Variants in MYO1D observed in about 807,000 individuals in gnomAD.
MYO1D encodes unconventional myosin-Id.
A neutral mutation model predicts 122.0 loss-of-function variants in MYO1D; 83 were observed. The observed-to-expected ratio is 0.68, with a 90% CI of 0.57 to 0.82. The LOEUF (loss-of-function observed/expected upper bound fraction) is 0.82, where lower values mean the gene tolerates loss of function less well. MYO1D is among the 40% of genes least tolerant of loss of function. The pLI is 0.00. For missense variants in MYO1D, 1,157 were observed against 1,269.5 expected (o/e 0.91, Z 1.35); for synonymous variants, 464 against 446.9 (o/e 1.04, Z -0.48).
chr17:32,827,500 G>A (rs750180254), intron 1 of MYO1D, among the ~76,000 whole-genome samples: 3 of 152,122 alleles, frequency 2.0e-5, no homozygotes, highest in Non-Finnish European at 4.4e-5. Flanking sequence ...ACAACAATGT[G>A]AATGTACTTA....
chr17:32,693,543 C>T lies in MYO1D; in HGVS notation c.2121+18445G>A, dbSNP rs141385967. ...ATAGGAAATGTTTTCCTTGCAAAGG[C>T]GAACAGATTTCTTTTAAGTAAACCT... On this transcript the variant is annotated intron_variant, in intron 16 of 21. Coordinates refer to ENST00000318217, the MANE Select transcript of MYO1D (RefSeq NM_015194.3). Among the ~76,000 whole-genome samples the T allele has an allele frequency of 2.6e-3, 393 of 152,270 alleles. 2 individuals carry two copies. Among genetic ancestry groups the T allele is most frequent in the African/African-American group, 9.1e-3 (380 of 41,546 alleles).
intron 1 of MYO1D, among the ~76,000 whole-genome samples, chr17:32,820,766 C>T (rs560376273): frequency 3.3e-5 from 5 of 152,246 alleles, no homozygotes; most frequent in African/African-American, 9.6e-5. Context: ...GTGATGACTA[C>T]GTTAATTAGC....
chr17:32,802,176 G>C (rs190360596), intron 1 of MYO1D, among the ~76,000 whole-genome samples: 1 of 152,242 alleles, frequency 6.6e-6, no homozygotes, highest in East Asian at 1.9e-4. Flanking sequence ...GTGCTCTTCT[G>C]ACAGTATGAT....
At chr17:32,500,441 T>A (rs1909279493) in intron 21 of MYO1D, among the ~76,000 whole-genome samples, 1 of 152,102 alleles carries the variant, frequency 6.6e-6, no homozygotes, top group Non-Finnish European at 1.5e-5. Context: ...AGAGAGATAC[T>A]CTGTTTTGCC....
chr17:32,678,135 G>C (rs1171724914), intron 16 of MYO1D, among the ~76,000 whole-genome samples: 8 of 152,048 alleles, frequency 5.3e-5, no homozygotes, highest in Admixed American at 5.2e-4. Context: ...TGTATTTCCT[G>C]GCTTGAATTC....
chr17:32,839,141 C>T (rs533450095), intron 1 of MYO1D, among the ~76,000 whole-genome samples: 1 of 152,028 alleles, frequency 6.6e-6, no homozygotes, highest in Non-Finnish European at 1.5e-5. Context: ...TCTCAAAGTA[C>T]AGGAAATGTC....
At position 32,720,954 on chromosome 17, in the gene MYO1D, T is replaced by C. The variant is rs912095650; in HGVS notation, c.1913+69A>G. On this transcript the variant is annotated intron_variant, in intron 15 of 21. Transcript: ENST00000318217. ...TTATAGATTGCCTAATATGTGCTGA[T>C]GCACTATTGTACGGGGAGGACTCCC... The C allele has an allele frequency of 2.8e-6, 4 of 1,440,912 alleles. No individual in the cohort carries two copies. The African/African-American group carries it at 4.3e-5, about 16-fold the overall frequency. The allele number at this position is 1,440,912 out of a possible 1,614,324, so 89.3% of individuals were successfully genotyped here. A position where few individuals can be genotyped will look rare whatever the true frequency, so the allele number is the denominator to read the frequency against.
In MYO1D at chr17:32,653,902, T is replaced by C; in HGVS notation, c.2536A>G (p.Asn846Asp). The C allele has an allele frequency of 1.2e-6, 2 of 1,614,034 alleles. No individual in the cohort carries two copies. Among genetic ancestry groups the C allele is most frequent in the Non-Finnish European group, 8.5e-7 (1 of 1,179,954 alleles). The change falls in exon 19 of 22, where the codon AAT becomes GAT. Residue 846 changes from asparagine (N) to aspartate (D), a missense_variant. Physicochemically the swap from Asn to Asp is conservative, Grantham distance 23 (BLOSUM62 1). Coordinates refer to ENST00000318217, the MANE Select transcript of MYO1D (RefSeq NM_015194.3). ...QTSGTFVPVA[N>D]ELKRKDKYMN... ...TATTTGTCCTTCCGTTTCAATTCAT[T>C]AGCAACAGGGACAAAAGTGCCTGAG...
chr17:32,598,872 AT>A, intron 21 of MYO1D, among the ~76,000 whole-genome samples: 1 of 152,238 alleles, frequency 6.6e-6, no homozygotes, highest in Non-Finnish European at 1.5e-5. Context: ...TGCTCCTTTA[AT>A]TAAGCGGATA....
intron 4 of MYO1D, 90 bp downstream of exon 4, chr17:32,775,773 AT>A: frequency 8.9e-7 from 1 of 1,118,338 alleles, no homozygotes; most frequent in Non-Finnish European, 1.2e-6. Flanking sequence ...ATTTAAAGCT[AT>A]TTTGAGTCAA....
At chr17:32,636,862 G>A (rs2088106995) in intron 20 of MYO1D, among the ~76,000 whole-genome samples, 1 of 152,212 alleles carries the variant, frequency 6.6e-6, no homozygotes, top group African/African-American at 2.4e-5. Flanking sequence ...TGACAAAGAT[G>A]TTGGCTGCTG....
Position 32,604,293 on chromosome 17 carries a change from A to C in MYO1D, c.2864+794T>G, listed in dbSNP as rs182395458. 6.2e-4 allele frequency among the ~76,000 whole-genome samples: 94 copies of C among 152,250 alleles called. No individual in the cohort carries two copies. The East Asian group carries it at 0.013, about 21-fold the overall frequency. On this transcript the variant is annotated intron_variant, in intron 21 of 21. Transcript: ENST00000318217. ...ACTACACTTGTATCATTTCTTAGTC[A>C]CTGATTTTGATGAGTGGTCTTCTCC...
In MYO1D at chr17:32,494,584, A is replaced by G; in HGVS notation, c.*175T>C. On this transcript the variant is annotated 3_prime_UTR_variant, in exon 22 of 22. Coordinates refer to ENST00000318217, the MANE Select transcript of MYO1D (RefSeq NM_015194.3). Reference sequence around the variant, plus strand: ...AACAGGGACCGTGGACAGTAAGGACAGAGGAAGATGATACCAAAGGCAGAA... The same window carrying G: ...AACAGGGACCGTGGACAGTAAGGACGGAGGAAGATGATACCAAAGGCAGAA... 1 of 768,778 alleles carries G rather than the reference A, an allele frequency of 1.3e-6. No homozygotes were observed. The highest frequency in any genetic ancestry group is 2.0e-6 in the Non-Finnish European group (1 of 491,554). The allele number at this position is 768,778 out of a possible 1,614,324, so 47.6% of individuals were successfully genotyped here.
chr17:32,755,408 C>T, intron 11 of MYO1D, 84 bp downstream of exon 11: 3 of 1,364,904 alleles, frequency 2.2e-6, no homozygotes, highest in Non-Finnish European at 3.0e-6. Flanking sequence ...TTCTTTTATC[C>T]CAACATATAA....
intron 21 of MYO1D, chr17:32,594,446 A>G (rs2087470923): frequency 2.1e-6 from 1 of 467,818 alleles, no homozygotes; most frequent in Non-Finnish European, 3.8e-6. Flanking sequence ...CAAATAATTG[A>G]ACACTTTTGT....
intron 21 of MYO1D, chr17:32,594,163 C>G (rs2087466985): frequency 6.2e-6 from 1 of 160,130 alleles, no homozygotes; most frequent in African/African-American, 2.4e-5. Flanking sequence ...TCTGGAACTT[C>G]AGAAAAAGTG....
At chr17:32,515,128 G>A (rs1909844744) in intron 21 of MYO1D, among the ~76,000 whole-genome samples, 1 of 152,196 alleles carries the variant, frequency 6.6e-6, no homozygotes, top group South Asian at 2.1e-4. Flanking sequence ...GGAGGAGGCT[G>A]TTAGAGTGGA....
At chr17:32,497,598 C>G (rs56720204) in intron 21 of MYO1D, 38 of 152,424 alleles carry the variant, frequency 2.5e-4, no homozygotes, top group African/African-American at 8.7e-4. Context: ...CCTCTGTTGT[C>G]CCTGTCAGTA....
chr17:32,675,199 AAATGATCACAGT>A (rs2088789928), intron 16 of MYO1D, among the ~76,000 whole-genome samples: 1 of 152,248 alleles, frequency 6.6e-6, no homozygotes, highest in Non-Finnish European at 1.5e-5. Flanking sequence ...TGGGTATCAG[AAATGATCACAGT>A]AATGAGTAGC....
Sources: allele counts gnomAD v4.1 joint callset (sites outside exome capture counted in the v4.1 genomes callset), GRCh38; gene constraint gnomAD v4.1.1; transcripts MANE v1.5; gene names NCBI Gene and HGNC (gene_info 2026-07-23, HGNC 2026-07-21).